Variants in FCAMR observed in about 807,000 individuals in gnomAD.
The protein encoded by FCAMR is high affinity immunoglobulin alpha and immunoglobulin mu Fc receptor.
Under a neutral mutation model 52.2 loss-of-function variants are expected in FCAMR, and 51 were observed. The ratio of observed to expected loss-of-function variants is 0.98; its 90% confidence interval spans 0.78 to 1.23. The LOEUF is 1.23. Among genes scored for constraint, FCAMR ranks in the 50% most tolerant of loss-of-function variants. The pLI, the probability that FCAMR is intolerant of heterozygous loss-of-function variation, is 0.00. For missense variants in FCAMR, 719 were observed against 712.6 expected (o/e 1.01, Z -0.10); for synonymous variants, 282 against 262.0 (o/e 1.08, Z -0.74).
At position 206,958,545 on chromosome 1, in the gene FCAMR, T is replaced by C. The variant is rs1259666172; in HGVS notation, c.1705A>G (p.Thr569Ala). The change falls in exon 8 of 8, where the codon ACT (threonine) becomes GCT (alanine). Residue 569 changes from threonine (T) to alanine (A), a missense_variant. By Grantham distance (58) the Thr-to-Ala change is moderately conservative. Coordinates refer to ENST00000324852, the MANE Select transcript of FCAMR (RefSeq NM_001170631.2). Reference protein sequence around the residue: ...DDSLPAGASLTAPERNPGP With the variant: ...DDSLPAGASLAAPERNPGP ...GGTCCTGGATTTCTCTCTGGGGCAG[T>C]CAGGCTGGCCCCAGCAGGAAGAGAG... 6.2e-7 allele frequency: 1 copy of C among 1,612,864 alleles called. No individual in the cohort carries two copies. The highest frequency in any genetic ancestry group is 1.7e-5 in the Admixed American group (1 of 60,010).
At chr1:206,967,714 T>G in intron 1 of FCAMR, 63 bp from the exon 2 acceptor site, 1 of 1,469,138 alleles carries the variant, frequency 6.8e-7, no homozygotes, top group Non-Finnish European at 9.5e-7. Context: ...TTAGTATGCC[T>G]CGGTTAGTAA....
intron 5 of FCAMR, 40 bp downstream of exon 5, chr1:206,962,173 G>A (rs377626977): frequency 2.9e-5 from 46 of 1,584,292 alleles, no homozygotes; most frequent in African/African-American, 1.3e-4. Context: ...TTCCTAGAAC[G>A]TGCTTCACCA....
At position 206,961,331 on chromosome 1, in the gene FCAMR, C is replaced by T. The variant is rs188504174; in HGVS notation, c.653-108G>A. On this transcript the variant is annotated intron_variant, in intron 5 of 7. Transcript: ENST00000324852. ...GTCTGCTAAGTGGAATGCAACCTCA[C>T]TAAGAGTTGCAGTCTTTGACCAATA... 149 of 820,386 alleles carry T rather than the reference C, an allele frequency of 1.8e-4. 1 individual carries two copies. In the African/African-American group the frequency reaches 2.4e-3, roughly 13 times the overall value. The allele number at this position is 820,386 out of a possible 1,614,324, so 50.8% of individuals were successfully genotyped here.
chr1:206,964,173 G>A (rs959374797), intron 4 of FCAMR, among the ~76,000 whole-genome samples: 10 of 152,220 alleles, frequency 6.6e-5, no homozygotes, highest in African/African-American at 1.9e-4. Context: ...AGCCCTCACA[G>A]TGAGCTCTGC....
Position 206,962,453 on chromosome 1 carries a change from G to A in FCAMR, c.412C>T (p.Gln138Ter), listed in dbSNP as rs1214847889. ...CCCAGACGGCACCAGTACTTCCTCT[G>A]GTGCCTGTTGACAGATGAGGGGGCA... ...HYAPSSVNRHQRKYWCRLGPP... is the reference protein window; with the variant it reads ...HYAPSSVNRH The change falls in exon 5 of 8, where the codon CAG becomes TAG. Residue 138 changes from glutamine (Q) to a stop codon, truncating the protein, a stop_gained. Coordinates refer to ENST00000324852, the MANE Select transcript of FCAMR (RefSeq NM_001170631.2). LOFTEE classifies it high-confidence loss of function. 1.2e-6 allele frequency: 2 copies of A among 1,613,928 alleles called. No individual in the cohort carries two copies. The highest frequency in any genetic ancestry group is 8.5e-7 in the Non-Finnish European group (1 of 1,179,832).
intron 3 of FCAMR, 186 bp from the exon 4 acceptor site, chr1:206,966,044 G>T (rs1314095618): frequency 2.7e-6 from 2 of 747,228 alleles, no homozygotes; most frequent in Non-Finnish European, 4.4e-6. Context: ...CCTTGCTGGG[G>T]TCTCAAGCAG....
At chr1:206,959,362 A>G (rs1680398113) in intron 7 of FCAMR, among the ~76,000 whole-genome samples, 1 of 151,930 alleles carries the variant, frequency 6.6e-6, no homozygotes. Flanking sequence ...CTGTAGTCCT[A>G]GCTACTTGGG....
At chr1:206,965,617 G>C in intron 4 of FCAMR, 98 bp downstream of exon 4, 13 of 1,389,310 alleles carry the variant, frequency 9.4e-6, no homozygotes, top group Non-Finnish European at 1.1e-5. Context: ...ATTAGGAGAG[G>C]CTAGGGCTGC....
rs1405691013 is a variant in FCAMR, at chr1:206,967,149, G to C, written c.109-37C>G. 1.9e-6 allele frequency: 3 copies of C among 1,606,156 alleles called. No individual in the cohort carries two copies. The African/African-American group carries it at 4.0e-5, about 21-fold the overall frequency. On this transcript the variant is annotated intron_variant, in intron 2 of 7. Coordinates refer to ENST00000324852, the MANE Select transcript of FCAMR (RefSeq NM_001170631.2). ...ACTCTAAATGAAAAGAGGCCTGAGA[G>C]AAGCTGGGTGAGGGTGGTGGGACTT...
chr1:206,959,468 G>A (rs1331162089), intron 7 of FCAMR, among the ~76,000 whole-genome samples: 1 of 139,864 alleles, frequency 7.1e-6, no homozygotes, highest in Non-Finnish European at 1.5e-5. Context: ...CAGAGCAAGA[G>A]TCTGTCTAAA....
At chr1:206,967,520 G>A (rs1208214210) in intron 2 of FCAMR, 63 bp downstream of exon 2, 2 of 1,546,138 alleles carry the variant, frequency 1.3e-6, no homozygotes, top group African/African-American at 2.7e-5. Flanking sequence ...GTTAGTCTCA[G>A]GGATTCGATT....
At position 206,959,839 on chromosome 1, in the gene FCAMR, A is replaced by C. The variant is rs534074265; in HGVS notation, c.1455-42T>G. The C allele has an allele frequency of 3.4e-6, 5 of 1,485,694 alleles. No homozygotes were observed. In the Admixed American group the frequency reaches 6.7e-5, roughly 20 times the overall value. The allele number at this position is 1,485,694 out of a possible 1,614,324, so 92.0% of individuals were successfully genotyped here. A position where few individuals can be genotyped will look rare whatever the true frequency, so the allele number is the denominator to read the frequency against. On this transcript the variant is annotated intron_variant, in intron 6 of 7. Transcript: ENST00000324852. The stretch of plus-strand genomic sequence containing the variant: ...AAGAGCACAGGGGAGAGGAGGTTGG[A>C]GCTGGGCAGAAGATTAAAGACCATT...
Position 206,970,256 on chromosome 1 carries a change from G to A in FCAMR, c.-131C>T, listed in dbSNP as rs984022178. ...AAGGTGGTATTTTGGAAAGCAGCTG[G>A]AGCTAGCAACGGAAGGTCGGGGTGC... On this transcript the variant is annotated 5_prime_UTR_variant, in exon 1 of 8. Coordinates refer to ENST00000324852, the MANE Select transcript of FCAMR (RefSeq NM_001170631.2). 3 of 1,047,400 alleles carry A rather than the reference G, an allele frequency of 2.9e-6. No homozygotes were observed. Among genetic ancestry groups the A allele is most frequent in the Middle Eastern group, 4.2e-4 (2 of 4,790 alleles). 64.9% of individuals were successfully genotyped at this position (1,047,400 alleles called of 1,614,324 possible). A position where few individuals can be genotyped will look rare whatever the true frequency, so the allele number is the denominator to read the frequency against.
intron 3 of FCAMR, 131 bp downstream of exon 3, chr1:206,966,921 C>A (rs1309807950): frequency 3.9e-6 from 3 of 765,916 alleles, no homozygotes; most frequent in Non-Finnish European, 6.6e-6. Context: ...GGAGATGGAG[C>A]CATTTGTCAT....
Position 206,967,079 on chromosome 1 carries a change from G to A in FCAMR, c.142C>T (p.Leu48Phe). Reference protein sequence around the residue: ...TSRRAGWKMPLFLILCLLQGS... With the variant: ...TSRRAGWKMPFFLILCLLQGS... ...TGTAGCAGGCACAGTATGAGGAAGA[G>A]GGGCATTTTCCATCCCGCCCTCCTG... Residue 48 changes from leucine (L) to phenylalanine (F), a missense_variant, in exon 3 of 8, where the codon CTC (leucine) becomes TTC (phenylalanine). By Grantham distance (22) the Leu-to-Phe change is conservative. Transcript: ENST00000324852. 1.2e-6 allele frequency: 2 copies of A among 1,614,024 alleles called. No homozygotes were observed.
In FCAMR at chr1:206,970,143, A is replaced by G. The variant is rs766021748; in HGVS notation, c.-18T>C. ...CCATCCATCTCAGTCCAGAAACAAG[A>G]TCCAGGTGGACTTTTCTTCTCCTTA... On this transcript the variant is annotated 5_prime_UTR_variant, in exon 1 of 8. Transcript: ENST00000324852. 1 of 1,613,894 alleles carries G rather than the reference A, an allele frequency of 6.2e-7. No homozygotes were observed. Among genetic ancestry groups the G allele is most frequent in the Admixed American group, 1.7e-5 (1 of 60,006 alleles).
chr1:206,964,818 G>T (rs1680644040), intron 4 of FCAMR, among the ~76,000 whole-genome samples: 1 of 152,188 alleles, frequency 6.6e-6, no homozygotes. Context: ...TAAGCAGTTT[G>T]TGGGTGCCAG....
At chr1:206,963,048 T>C (rs1159409792) in intron 4 of FCAMR, among the ~76,000 whole-genome samples, 1 of 152,212 alleles carries the variant, frequency 6.6e-6, no homozygotes, top group Admixed American at 6.5e-5. Context: ...ACAGTGATGA[T>C]TCCCTGATAG....
chr1:206,966,904 A>T, intron 3 of FCAMR, 148 bp downstream of exon 3: 1 of 693,970 alleles, frequency 1.4e-6, no homozygotes, highest in Non-Finnish European at 2.5e-6. Context: ...AAAATCTACT[A>T]CAGCATGGAG....
Sources: gnomAD v4.1 joint callset for allele counts (sites outside exome capture counted in the v4.1 genomes callset) on GRCh38, gnomAD v4.1.1 for gene constraint, MANE v1.5 for transcripts, NCBI Gene and HGNC (gene_info 2026-07-23, HGNC 2026-07-21) for gene names.